Variants in TBL1XR1 observed in about 807,000 individuals in gnomAD.
The protein encoded by TBL1XR1 is F-box-like/WD repeat-containing protein TBL1XR1.
Under a neutral mutation model 66.9 loss-of-function variants are expected in TBL1XR1, and 5 were observed. The observed-to-expected ratio is 0.07, with a 90% CI of 0.04 to 0.16. TBL1XR1 has a LOEUF of 0.16. Among genes scored for constraint, TBL1XR1 ranks in the 10% least tolerant of loss-of-function variants. The pLI is 1.00. For missense variants in TBL1XR1, 238 were observed against 623.2 expected, an observed-to-expected ratio of 0.38 and a Z score of 6.58; for synonymous variants, 210 against 206.0, an observed-to-expected ratio of 1.02 and a Z score of -0.17.
intron 1 of TBL1XR1, chr3:177,099,542 CAATTAGGTG>C (rs1028754327): frequency 9.2e-5 from 14 of 152,190 alleles, no homozygotes; most frequent in African/African-American, 3.4e-4. Flanking sequence ...GCTCCTACAC[CAATTAGGTG>C]AAGTAAGAAG....
intron 1 of TBL1XR1, among the ~76,000 whole-genome samples, chr3:177,171,128 G>A (rs889927560): frequency 1.2e-4 from 18 of 150,268 alleles, no homozygotes; most frequent in African/African-American, 4.2e-4. Flanking sequence ...ATCACCTGAG[G>A]TCAGGTGTTT....
Position 177,189,844 on chromosome 3 carries a change from A to G in TBL1XR1, c.-122+7277T>C, listed in dbSNP as rs1349866082. Among the ~76,000 whole-genome samples, 5 of 152,232 alleles carry G rather than the reference A, an allele frequency of 3.3e-5. No individual in the cohort carries two copies. In the South Asian group the frequency reaches 8.3e-4, roughly 25 times the overall value. On this transcript the variant is annotated intron_variant, in intron 1 of 15. Transcript: ENST00000457928. ...TATATCCTATACTGAATGTTAATAA[A>G]TTAATAGTAATGGCTCAAATGAAAC...
chr3:177,091,410 T>C (rs1175559889), intron 2 of TBL1XR1, among the ~76,000 whole-genome samples: 1 of 152,106 alleles, frequency 6.6e-6, no homozygotes, highest in Non-Finnish European at 1.5e-5. Context: ...TTGCATATTA[T>C]ATAACATAAA....
At chr3:177,162,502 T>A (rs1052680065) in intron 1 of TBL1XR1, among the ~76,000 whole-genome samples, 1 of 152,190 alleles carries the variant, frequency 6.6e-6, no homozygotes, top group African/African-American at 2.4e-5. Context: ...AAACTGATTG[T>A]CTAAGATGGA....
intron 3 of TBL1XR1, among the ~76,000 whole-genome samples, chr3:177,055,561 G>T (rs1217512937): frequency 6.7e-6 from 1 of 148,994 alleles, no homozygotes; most frequent in East Asian, 2.0e-4. Flanking sequence ...GGGCGGGGGT[G>T]GGGGGGTGGG....
intron 1 of TBL1XR1, among the ~76,000 whole-genome samples, chr3:177,137,583 A>G (rs1729146828): frequency 6.6e-6 from 1 of 152,244 alleles, no homozygotes; most frequent in South Asian, 2.1e-4. Flanking sequence ...TACAGTCATA[A>G]ATTAGCCAAT....
upstream of TBL1XR1, among the ~76,000 whole-genome samples, chr3:177,199,564 C>G (rs1308656089): frequency 6.6e-6 from 1 of 151,936 alleles, no homozygotes; most frequent in Non-Finnish European, 1.5e-5. Context: ...AAAATCAAAC[C>G]CCACTTTCAG....
At chr3:177,124,085 CAGAA>C (rs1290344098) in intron 1 of TBL1XR1, among the ~76,000 whole-genome samples, 2 of 151,944 alleles carry the variant, frequency 1.3e-5, no homozygotes, top group Non-Finnish European at 2.9e-5. Context: ...CTAAAGAAGC[CAGAA>C]AGAACTAGAT....
chr3:177,071,031 G>GGTTTTTTTTTTTTTTTTTTTT (rs1719913852), intron 2 of TBL1XR1, among the ~76,000 whole-genome samples: 1 of 104,716 alleles, frequency 9.5e-6, no homozygotes, highest in African/African-American at 3.9e-5. Flanking sequence ...CTGAGAATCT[G>GGTTTTTTTTTTTTTTTTTTTT]TTTTTTTTTT....
chr3:177,174,927 T>C (rs1733984644), intron 1 of TBL1XR1, among the ~76,000 whole-genome samples: 2 of 152,148 alleles, frequency 1.3e-5, no homozygotes, highest in South Asian at 2.1e-4. Context: ...CACTTTATGA[T>C]ATGAGCCCTG....
intron 1 of TBL1XR1, among the ~76,000 whole-genome samples, chr3:177,104,314 T>C (rs993870491): frequency 2.0e-5 from 3 of 152,194 alleles, no homozygotes; most frequent in Admixed American, 1.3e-4. Flanking sequence ...ATTAAATATA[T>C]ACATATTTGT....
At chr3:177,096,335 T>TACATACACACACACACACAC (rs368291107) in intron 2 of TBL1XR1, among the ~76,000 whole-genome samples, 1 of 150,204 alleles carries the variant, frequency 6.7e-6, no homozygotes, top group East Asian at 2.0e-4. Context: ...CATACATACA[T>TACATACACACACACACACAC]ACACACACAC....
chr3:177,038,450 G>T lies in TBL1XR1; in HGVS notation c.926-16C>A. On this transcript the variant is annotated splice_polypyrimidine_tract_variant and intron_variant, in intron 10 of 15. Transcript: ENST00000457928. ...AATGCTGGTGCTGCAAAGGAACAAA[G>T]GTTAGATTTGCTTTTATTCCACATG... The T allele has an allele frequency of 6.7e-7, 1 of 1,501,700 alleles. No homozygotes were observed. The highest frequency in any genetic ancestry group is 8.9e-7 in the Non-Finnish European group (1 of 1,122,476). 93.0% of individuals were successfully genotyped at this position (1,501,700 alleles called of 1,614,324 possible).
At chr3:177,167,402 A>T (rs1412676685) in intron 1 of TBL1XR1, among the ~76,000 whole-genome samples, 3 of 152,202 alleles carry the variant, frequency 2.0e-5, no homozygotes, top group Non-Finnish European at 4.4e-5. Flanking sequence ...ATAAGGCAAG[A>T]TGCAAATGTC....
intron 1 of TBL1XR1, among the ~76,000 whole-genome samples, chr3:177,179,795 G>A (rs1004612497): frequency 4.1e-4 from 62 of 152,086 alleles, no homozygotes; most frequent in African/African-American, 1.4e-3. Context: ...CCAACCAACC[G>A]ATATATCTAC....
At chr3:177,146,779 C>T (rs1730310005) in intron 1 of TBL1XR1, among the ~76,000 whole-genome samples, 1 of 151,914 alleles carries the variant, frequency 6.6e-6, no homozygotes, top group Non-Finnish European at 1.5e-5. Flanking sequence ...TAAAAGCTCA[C>T]TTTGTTTGAG....
intron 1 of TBL1XR1, among the ~76,000 whole-genome samples, chr3:177,101,511 C>T (rs1279899328): frequency 6.6e-6 from 1 of 152,122 alleles, no homozygotes; most frequent in Non-Finnish European, 1.5e-5. Context: ...AAGATAAAGT[C>T]ATCAGGGTGT....
intron 3 of TBL1XR1, among the ~76,000 whole-genome samples, chr3:177,057,324 A>G (rs1717932583): frequency 6.6e-6 from 1 of 152,174 alleles, no homozygotes; most frequent in Admixed American, 6.5e-5. Flanking sequence ...GGCACTTACC[A>G]CACTGGTTAT....
At chr3:177,197,563 CGCGGCG>C (rs550182398), upstream of TBL1XR1, among the ~76,000 whole-genome samples, 11 of 144,320 alleles carry the variant, frequency 7.6e-5, no homozygotes, top group African/African-American at 2.8e-4. Context: ...TCGCGAGGCC[CGCGGCG>C]GCGGCGGCGG....
Sources: allele counts gnomAD v4.1 joint callset (sites outside exome capture counted in the v4.1 genomes callset), GRCh38; gene constraint gnomAD v4.1.1; transcripts MANE v1.5; gene names NCBI Gene and HGNC (gene_info 2026-07-23, HGNC 2026-07-21).